Variants in TNPO1 observed in about 807,000 individuals in gnomAD.
TNPO1 encodes transportin 1, also known as transportin-1.
A neutral mutation model predicts 119.5 loss-of-function variants in TNPO1; 8 were observed. That is an observed-to-expected ratio of 0.07 (90% confidence interval 0.04 to 0.12). The LOEUF (loss-of-function observed/expected upper bound fraction) is 0.12. Among genes scored for constraint, TNPO1 ranks in the 10% least tolerant of loss-of-function variants. The pLI is 1.00. For synonymous variants in TNPO1, 362 were observed against 363.0 expected (o/e 1.00, Z 0.03); for missense variants, 576 against 1,089.8 (o/e 0.53, Z 6.64).
At chr5:72,864,174 T>C (rs1294790783) in intron 5 of TNPO1, among the ~76,000 whole-genome samples, 1 of 152,234 alleles carries the variant, frequency 6.6e-6, no homozygotes, top group African/African-American at 2.4e-5. Flanking sequence ...ATGACTATTT[T>C]AGCATGTTAA....
intron 3 of TNPO1, among the ~76,000 whole-genome samples, chr5:72,853,071 T>TA (rs1039935875): frequency 5.9e-5 from 9 of 152,212 alleles, no homozygotes; most frequent in African/African-American, 2.2e-4. Flanking sequence ...TTAGGATTGT[T>TA]ACAATATTAT....
At chr5:72,838,310 C>T (rs982032676) in intron 1 of TNPO1, among the ~76,000 whole-genome samples, 13 of 152,078 alleles carry the variant, frequency 8.5e-5, no homozygotes, top group Non-Finnish European at 1.5e-4. Context: ...AGCAATCGAA[C>T]GGCAATAAAA....
In TNPO1 at chr5:72,901,064, C is replaced by T. The variant is rs780183095; in HGVS notation, c.2505C>T (p.Gly835=). The T allele has an allele frequency of 5.0e-6, 8 of 1,595,642 alleles. No homozygotes were observed. The highest frequency in any genetic ancestry group is 2.3e-5 in the South Asian group (2 of 87,514). ...ICTMISVNPS[G]VIQDFIFFCD... is the part of the protein sequence containing the mutation. ...CCATGATCAGTGTGAATCCCAGTGG[C>T]GTAATCCAAGTAAGATGTTCACAAA... The change falls in exon 22 of 25, where the codon GGC becomes GGT. Residue 835 remains glycine (G), a synonymous_variant. Transcript: ENST00000337273.
chr5:72,866,383 T>C (rs769783424), intron 6 of TNPO1, among the ~76,000 whole-genome samples: 9 of 152,198 alleles, frequency 5.9e-5, no homozygotes, highest in African/African-American at 1.9e-4. Context: ...CCAGGAAGTT[T>C]CCCCCTTTTA....
Position 72,911,229 on chromosome 5 carries a change from A to G in TNPO1, c.*2556A>G, listed in dbSNP as rs931568386. The G allele has an allele frequency of 1.3e-5, 2 of 152,100 alleles. No individual in the cohort carries two copies. Among genetic ancestry groups the G allele is most frequent in the African/African-American group, 4.8e-5 (2 of 41,444 alleles). 9.4% of individuals were successfully genotyped at this position (152,100 alleles called of 1,614,324 possible). A position where few individuals can be genotyped will look rare whatever the true frequency, so the allele number is the denominator to read the frequency against. On this transcript the variant is annotated 3_prime_UTR_variant, in exon 25 of 25. Transcript: ENST00000337273. ...TGACAATTCTGTATTGACTAAAGGC[A>G]ATATTGTCACCTGTCTCATTAAAAA...
At chr5:72,901,832 C>T (rs987125097) in intron 22 of TNPO1, among the ~76,000 whole-genome samples, 26 of 152,064 alleles carry the variant, frequency 1.7e-4, no homozygotes, top group African/African-American at 6.0e-4. Flanking sequence ...AATTGAAAAA[C>T]GTAGTTGAGG....
intron 1 of TNPO1, among the ~76,000 whole-genome samples, chr5:72,833,162 T>G (rs539980710): frequency 6.6e-6 from 1 of 152,274 alleles, no homozygotes; most frequent in Admixed American, 6.5e-5. Flanking sequence ...TTATTCCCCC[T>G]CTTGAAAATA....
chr5:72,833,402 G>GT (rs1231783696), intron 1 of TNPO1, among the ~76,000 whole-genome samples: 1 of 152,126 alleles, frequency 6.6e-6, no homozygotes, highest in Non-Finnish European at 1.5e-5. Flanking sequence ...AATCTGTAAT[G>GT]TTGGTTTCTG....
chr5:72,860,734 C>T lies in TNPO1; in HGVS notation c.356-1074C>T, dbSNP rs79211794. 2.8e-3 allele frequency among the ~76,000 whole-genome samples: 429 copies of T among 152,260 alleles called. 2 individuals carry two copies. The highest frequency in any genetic ancestry group is 5.2e-3 in the Non-Finnish European group (353 of 68,022). ...ATTATTCTCAAGTGATACTCATCTGCTTAAGTTTTTCCTACCATGGTCCTT... is the reference window on the plus strand; with the variant it reads ...ATTATTCTCAAGTGATACTCATCTGTTTAAGTTTTTCCTACCATGGTCCTT... On this transcript the variant is annotated intron_variant, in intron 4 of 24. Transcript: ENST00000337273.
At position 72,865,707 on chromosome 5, in the gene TNPO1, A is replaced by C; in HGVS notation, c.574A>C (p.Lys192Gln). ...IMIPKFLQFF[K>Q]HSSPKIRSHA... ...GATTCCCAAATTTTTACAGTTCTTC[A>C]AGCATAGTAGTCCAAAAATAAGGTA... Residue 192 changes from lysine to glutamine, a missense_variant, in exon 6 of 25, where the codon AAG becomes CAG. Physicochemically the swap from Lys to Gln is moderately conservative, Grantham distance 53. Transcript: ENST00000337273. 6.2e-7 allele frequency: 1 copy of C among 1,613,794 alleles called. No individual in the cohort carries two copies. The highest frequency in any genetic ancestry group is 8.5e-7 in the Non-Finnish European group (1 of 1,179,868).
At chr5:72,881,352 G>T (rs1013159488) in intron 9 of TNPO1, among the ~76,000 whole-genome samples, 1 of 152,004 alleles carries the variant, frequency 6.6e-6, no homozygotes, top group African/African-American at 2.4e-5. Flanking sequence ...CTCGTGATCC[G>T]CTCGCCTCGA....
At chr5:72,834,103 T>C (rs1241758584) in intron 1 of TNPO1, among the ~76,000 whole-genome samples, 1 of 152,174 alleles carries the variant, frequency 6.6e-6, no homozygotes, top group Non-Finnish European at 1.5e-5. Context: ...GTCTTGATGC[T>C]GTAATGCAAT....
intron 1 of TNPO1, 85 bp downstream of exon 1, chr5:72,816,837 G>C: frequency 6.8e-7 from 1 of 1,470,414 alleles, no homozygotes; most frequent in Non-Finnish European, 9.1e-7. Context: ...GCGCCTACGG[G>C]AGAGACGCCG....
At chr5:72,842,442 C>T (rs1744954590) in intron 1 of TNPO1, among the ~76,000 whole-genome samples, 1 of 152,192 alleles carries the variant, frequency 6.6e-6, no homozygotes, top group Non-Finnish European at 1.5e-5. Flanking sequence ...AATAGAGCAG[C>T]ATCATAGAGT....
intron 1 of TNPO1, among the ~76,000 whole-genome samples, chr5:72,829,336 A>C (rs1744343480): frequency 6.6e-6 from 1 of 152,216 alleles, no homozygotes; most frequent in African/African-American, 2.4e-5. Flanking sequence ...AGTTATGATG[A>C]AAATTTGTCT....
At position 72,888,061 on chromosome 5, in the gene TNPO1, AT is replaced by A; in HGVS notation, c.1304-14del. On this transcript the variant is annotated splice_polypyrimidine_tract_variant and intron_variant, in intron 12 of 24. Transcript: ENST00000337273. ...TAACTAAATTTTAGCATTTTGAAAG[AT>A]TTATTTTTTTTCTAGGTTGCATGCA... 6.2e-7 allele frequency: 1 copy of A among 1,601,718 alleles called. No individual in the cohort carries two copies. Among genetic ancestry groups the A allele is most frequent in the Non-Finnish European group, 8.5e-7 (1 of 1,174,206 alleles).
rs528711265 is a variant in TNPO1, at chr5:72,873,336, C to T, written c.678+616C>T. Among the ~76,000 whole-genome samples, 11 of 152,244 alleles carry T rather than the reference C, an allele frequency of 7.2e-5. 1 individual carries two copies. The South Asian group carries it at 2.3e-3, about 32-fold the overall frequency. On this transcript the variant is annotated intron_variant, in intron 7 of 24. Transcript: ENST00000337273. ...TGTTAAAGTTCCTTAAGCACCTTCA[C>T]TTTTATTTTCATGAAATGGAATTTT...
intron 2 of TNPO1, 93 bp downstream of exon 2, chr5:72,848,591 C>T (rs1745277708): frequency 4.8e-6 from 3 of 619,224 alleles, no homozygotes; most frequent in Non-Finnish European, 7.2e-6. Flanking sequence ...GCCTCCGCCT[C>T]TGCCCCTCCC....
chr5:72,829,879 C>T (rs1439367350), intron 1 of TNPO1, among the ~76,000 whole-genome samples: 1 of 152,098 alleles, frequency 6.6e-6, no homozygotes, highest in Non-Finnish European at 1.5e-5. Flanking sequence ...AGTCCTAAAG[C>T]CCCATGCAGT....
Sources: allele counts gnomAD v4.1 joint callset (sites outside exome capture counted in the v4.1 genomes callset), GRCh38; gene constraint gnomAD v4.1.1; transcripts MANE v1.5; gene names NCBI Gene and HGNC (gene_info 2026-07-23, HGNC 2026-07-21).